The following UGP2 variants were observed in gnomAD, a reference collection of about 807,000 sequenced individuals.
UGP2 encodes the protein UTP--glucose-1-phosphate uridylyltransferase.
UGP2 carries 40 observed loss-of-function variants against 49.0 expected under a neutral mutation model. That is an observed-to-expected ratio of 0.82 (90% CI 0.63 to 1.06). The LOEUF (loss-of-function observed/expected upper bound fraction) is 1.06. Ranked by LOEUF, UGP2 falls within the 50% of genes least tolerant of loss-of-function variation. The pLI, the probability that UGP2 is intolerant of heterozygous loss-of-function variation, is 0.00. For synonymous variants in UGP2, 225 were observed against 213.0 expected (o/e 1.06, Z -0.49); for missense variants, 460 against 603.5 (o/e 0.76, Z 2.49).
intron 1 of UGP2, among the ~76,000 whole-genome samples, chr2:63,851,187 A>G (rs1669019595): frequency 6.6e-6 from 1 of 152,194 alleles, no homozygotes; most frequent in African/African-American, 2.4e-5. Flanking sequence ...TCAAACTACT[A>G]TTATATGAGA....
In UGP2 at chr2:63,885,572, CT is replaced by C. The variant is rs751800377; in HGVS notation, c.576-5del. On this transcript the variant is annotated splice_polypyrimidine_tract_variant and intron_variant, in intron 5 of 9. Transcript: ENST00000337130. Reference sequence around the variant, plus strand: ...CTACAGGGTCAATATTGAAAAAGAACTTTTTTTTTTTTAAAGGTACCCGAGG... The same window carrying C: ...CTACAGGGTCAATATTGAAAAAGAACTTTTTTTTTTTAAAGGTACCCGAGG... 33,331 of 892,506 alleles carry C rather than the reference CT, an allele frequency of 0.037. No homozygotes were observed. The highest frequency in any genetic ancestry group is 0.063 in the South Asian group (3,032 of 47,754). The allele number at this position is 892,506 out of a possible 1,614,324, so 55.3% of individuals were successfully genotyped here.
upstream of UGP2, among the ~76,000 whole-genome samples, chr2:63,841,393 G>T (rs1357883101): frequency 6.6e-6 from 1 of 152,096 alleles, no homozygotes; most frequent in Non-Finnish European, 1.5e-5. Flanking sequence ...TGTACGGGAA[G>T]GGTCGGTGCC....
At chr2:63,844,902 TC>T (rs1671826691) in intron 1 of UGP2, among the ~76,000 whole-genome samples, 1 of 152,192 alleles carries the variant, frequency 6.6e-6, no homozygotes, top group African/African-American at 2.4e-5. Flanking sequence ...CCCTAGTCCT[TC>T]CCGACATCTT....
intron 1 of UGP2, chr2:63,846,056 T>C (rs1000993967): frequency 1.3e-5 from 2 of 152,222 alleles, no homozygotes; most frequent in African/African-American, 4.8e-5. Context: ...CTTTACTGGA[T>C]CTGCAGCATA....
At chr2:63,858,415 A>T (rs180837187) in intron 3 of UGP2, among the ~76,000 whole-genome samples, 2 of 151,998 alleles carry the variant, frequency 1.3e-5, no homozygotes, top group Non-Finnish European at 2.9e-5. Flanking sequence ...GTTTTTTCCT[A>T]ATGAGAAAAT....
chr2:63,873,288 C>T (rs1456756282), intron 3 of UGP2, among the ~76,000 whole-genome samples: 2 of 152,204 alleles, frequency 1.3e-5, no homozygotes, highest in Non-Finnish European at 2.9e-5. Context: ...CACATCACAG[C>T]ATCAGCTTCT....
In UGP2 at chr2:63,856,288, TTA is replaced by T. The variant is rs1362884715; in HGVS notation, c.20-16_20-15del. 1.9e-6 allele frequency: 3 copies of T among 1,607,962 alleles called. No homozygotes were observed. The highest frequency in any genetic ancestry group is 2.5e-6 in the Non-Finnish European group (3 of 1,177,988). On this transcript the variant is annotated splice_polypyrimidine_tract_variant and intron_variant, in intron 1 of 9. Coordinates refer to ENST00000337130, the MANE Select transcript of UGP2 (RefSeq NM_006759.4). ...TTCCTGGAGTTTTCAGTTGGTGGTT[TTA>T]TGTTTTTGTTTTAAGATCTTAGCAA...
chr2:63,862,646 C>T (rs1669929211), intron 3 of UGP2, among the ~76,000 whole-genome samples: 1 of 152,138 alleles, frequency 6.6e-6, no homozygotes, highest in Admixed American at 6.5e-5. Flanking sequence ...TCTCTAACTA[C>T]TGCCTTTGTG....
intron 2 of UGP2, chr2:63,856,671 T>A (rs1669456713): frequency 1.9e-6 from 1 of 532,376 alleles, no homozygotes; most frequent in African/African-American, 1.9e-5. Context: ...ATTAAAATAA[T>A]CAGAACCAAA....
chr2:63,863,309 C>T lies in UGP2; in HGVS notation c.255+5373C>T, dbSNP rs577612296. Among the ~76,000 whole-genome samples the T allele has an allele frequency of 3.9e-5, 6 of 152,194 alleles. No homozygotes were observed. The South Asian group carries it at 8.3e-4, about 21-fold the overall frequency. On this transcript the variant is annotated intron_variant, in intron 3 of 9. Transcript: ENST00000337130. ...ATAGGTACCATCTACTTTGTAGGAT[C>T]GTTTGCCATCTGTAACCACAGTGTT...
chr2:63,849,977 C>T (rs888480355), intron 1 of UGP2, among the ~76,000 whole-genome samples: 2 of 152,230 alleles, frequency 1.3e-5, no homozygotes, highest in Non-Finnish European at 2.9e-5. Context: ...ATACCTCTTT[C>T]TCTTCTTCTC....
rs1407761742 is a variant in UGP2 at position 63,855,603 on chromosome 2, G to A, written c.20-703G>A. On this transcript the variant is annotated intron_variant, in intron 1 of 9. Coordinates refer to ENST00000337130, the MANE Select transcript of UGP2 (RefSeq NM_006759.4). ...GTCACCCAGGCTGGAGTGCGGTGGC[G>A]CGATCTCGCCTCACTGCAGCCTCTG... 3.1e-5 allele frequency: 12 copies of A among 381,792 alleles called. 1 individual carries two copies. Among genetic ancestry groups the A allele is most frequent in the East Asian group, 2.6e-4 (3 of 11,598 alleles). The allele number at this position is 381,792 out of a possible 1,614,324, so 23.7% of individuals were successfully genotyped here.
intron 1 of UGP2, among the ~76,000 whole-genome samples, chr2:63,852,518 C>T (rs1380064903): frequency 1.3e-5 from 2 of 152,154 alleles, no homozygotes; most frequent in African/African-American, 2.4e-5. Context: ...TGAGACATGC[C>T]TGGATAAGGA....
intron 3 of UGP2, among the ~76,000 whole-genome samples, chr2:63,864,352 A>G (rs1670039165): frequency 6.6e-6 from 1 of 152,238 alleles, no homozygotes. Context: ...TAGTAACAAC[A>G]AGGAGTACAT....
At chr2:63,880,717 G>A (rs1399815369) in intron 3 of UGP2, among the ~76,000 whole-genome samples, 2 of 152,184 alleles carry the variant, frequency 1.3e-5, no homozygotes, top group Admixed American at 6.5e-5. Flanking sequence ...TTGTGTGTGT[G>A]TTGGGGGGTC....
At chr2:63,880,087 C>G (rs1259317797) in intron 3 of UGP2, among the ~76,000 whole-genome samples, 2 of 152,114 alleles carry the variant, frequency 1.3e-5, no homozygotes, top group Non-Finnish European at 2.9e-5. Flanking sequence ...CTCTTGTAAA[C>G]TAATAATAGG....
chr2:63,844,718 T>A (rs1575795614), intron 1 of UGP2, among the ~76,000 whole-genome samples: 1 of 152,268 alleles, frequency 6.6e-6, no homozygotes, highest in East Asian at 1.9e-4. Flanking sequence ...CACACCACCA[T>A]GCCTGGCTAC....
Position 63,891,114 on chromosome 2 carries a change from A to T in UGP2, c.1420-6A>T. ...AGTACACTCTTTTGTTTTCCCTGTC[A>T]CTTAGGGAACGGTTATCATCATTGC... is the stretch of plus-strand genomic sequence containing the variant. On this transcript the variant is annotated splice_region_variant and splice_polypyrimidine_tract_variant and intron_variant, in intron 9 of 9. Transcript: ENST00000337130. The T allele has an allele frequency of 6.2e-7, 1 of 1,608,784 alleles. No individual in the cohort carries two copies.
chr2:63,875,442 AG>A (rs1315928772), intron 3 of UGP2, among the ~76,000 whole-genome samples: 1 of 152,264 alleles, frequency 6.6e-6, no homozygotes, highest in East Asian at 1.9e-4. Flanking sequence ...TAATGGGAAC[AG>A]TGTGTCTATG....
Sources: allele counts gnomAD v4.1 joint callset (sites outside exome capture counted in the v4.1 genomes callset), GRCh38; gene constraint gnomAD v4.1.1; transcripts MANE v1.5; gene names NCBI Gene and HGNC (gene_info 2026-07-23, HGNC 2026-07-21).